OPCML: variants seen among roughly 807,000 people sequenced by gnomAD.
OPCML encodes opioid-binding protein/cell adhesion molecule.
OPCML carries 13 observed loss-of-function variants against 37.8 expected under a neutral mutation model. The observed-to-expected ratio is 0.34, with a 90% CI of 0.22 to 0.55. The LOEUF (loss-of-function observed/expected upper bound fraction) is 0.55. Ranked by LOEUF, OPCML falls within the 20% of genes least tolerant of loss-of-function variation. The pLI is 0.91. For synonymous variants in OPCML, 176 were observed against 168.8 expected (o/e 1.04, Z -0.33); for missense variants, 341 against 435.6 (o/e 0.78, Z 1.93).
chr11:133,369,807 G>A (rs888873317), intron 1 of OPCML, among the ~76,000 whole-genome samples: 6 of 152,124 alleles, frequency 3.9e-5, no homozygotes, highest in African/African-American at 1.4e-4. Context: ...TAAAGAATGT[G>A]CATTCACACT....
intron 2 of OPCML, among the ~76,000 whole-genome samples, chr11:132,780,190 T>C (rs1408740138): frequency 6.6e-6 from 1 of 152,230 alleles, no homozygotes; most frequent in Non-Finnish European, 1.5e-5. Context: ...CCTGACCCTC[T>C]GTACTGGACA....
intron 3 of OPCML, among the ~76,000 whole-genome samples, chr11:132,533,316 T>C (rs1030609174): frequency 1.3e-5 from 2 of 152,126 alleles, no homozygotes; most frequent in Non-Finnish European, 2.9e-5. Context: ...TCATTTTGGA[T>C]AGATGACAGA....
At chr11:133,308,360 C>T (rs1942980088) in intron 1 of OPCML, among the ~76,000 whole-genome samples, 1 of 151,804 alleles carries the variant, frequency 6.6e-6, no homozygotes. Flanking sequence ...AACAACCTAA[C>T]TTAATATTAG....
At chr11:133,201,996 A>G (rs1938818265) in intron 1 of OPCML, among the ~76,000 whole-genome samples, 1 of 152,138 alleles carries the variant, frequency 6.6e-6, no homozygotes. Context: ...AAAGCCTCCA[A>G]GCCTTAATGG....
chr11:132,990,511 C>A (rs1488779039), intron 1 of OPCML, among the ~76,000 whole-genome samples: 1 of 152,170 alleles, frequency 6.6e-6, no homozygotes, highest in Non-Finnish European at 1.5e-5. Context: ...GGTAGGCATT[C>A]TATTTTCCTA....
At chr11:132,762,861 C>CA (rs1393440793) in intron 2 of OPCML, among the ~76,000 whole-genome samples, 1 of 151,992 alleles carries the variant, frequency 6.6e-6, no homozygotes, top group Admixed American at 6.6e-5. Flanking sequence ...CACTGAGGTA[C>CA]AAAAAAATAC....
intron 1 of OPCML, among the ~76,000 whole-genome samples, chr11:132,993,653 G>C (rs1946823963): frequency 2.0e-5 from 3 of 152,072 alleles, no homozygotes; most frequent in Non-Finnish European, 4.4e-5. Context: ...CGCGAGCCTA[G>C]AGTCTGGAAA....
chr11:133,392,445 G>A (rs148910319), intron 1 of OPCML, among the ~76,000 whole-genome samples: 2 of 152,296 alleles, frequency 1.3e-5, no homozygotes, highest in African/African-American at 2.4e-5. Flanking sequence ...AAGCCCAAAG[G>A]AGAGGCTAGG....
At chr11:132,993,992 C>A (rs1449406722) in intron 1 of OPCML, among the ~76,000 whole-genome samples, 1 of 152,242 alleles carries the variant, frequency 6.6e-6, no homozygotes, top group Non-Finnish European at 1.5e-5. Context: ...CCCCGCATCT[C>A]TCCACCTCCG....
At chr11:133,419,523 T>C (rs1430523892) in intron 1 of OPCML, among the ~76,000 whole-genome samples, 1 of 152,230 alleles carries the variant, frequency 6.6e-6, no homozygotes, top group Non-Finnish European at 1.5e-5. Flanking sequence ...TACTTTCAAA[T>C]TATTTTACTA....
chr11:132,748,257 C>T (rs965377757), intron 2 of OPCML, among the ~76,000 whole-genome samples: 1 of 152,040 alleles, frequency 6.6e-6, no homozygotes, highest in Non-Finnish European at 1.5e-5. Flanking sequence ...TTAGCCATAT[C>T]GACCCTGCTT....
chr11:132,593,568 G>A (rs2096488015), intron 3 of OPCML, among the ~76,000 whole-genome samples: 1 of 152,134 alleles, frequency 6.6e-6, no homozygotes, highest in Non-Finnish European at 1.5e-5. Flanking sequence ...GGCAGAAAAA[G>A]TTAGAGAGAA....
chr11:133,368,110 A>T (rs1267009424), intron 1 of OPCML, among the ~76,000 whole-genome samples: 2 of 152,116 alleles, frequency 1.3e-5, no homozygotes, highest in Non-Finnish European at 2.9e-5. Context: ...TGCTGCAGGT[A>T]GGGAAGCAAT....
chr11:132,639,874 TGGCTGTCATCGACAGTAGCTA>T (rs1940744426), intron 3 of OPCML, among the ~76,000 whole-genome samples: 1 of 152,194 alleles, frequency 6.6e-6, no homozygotes, highest in Non-Finnish European at 1.5e-5. Context: ...AGCACTGGGA[TGGCTGTCATCGACAGTAGCTA>T]GGCCTGGGGA....
chr11:132,899,417 TA>T (rs1430032480), intron 2 of OPCML, among the ~76,000 whole-genome samples: 1 of 152,100 alleles, frequency 6.6e-6, no homozygotes, highest in African/African-American at 2.4e-5. Context: ...TTGTTAATTT[TA>T]CATCATAGTG....
At chr11:133,096,672 A>C (rs1464060745) in intron 1 of OPCML, among the ~76,000 whole-genome samples, 1 of 152,094 alleles carries the variant, frequency 6.6e-6, no homozygotes, top group East Asian at 1.9e-4. Flanking sequence ...GATAAAAAGT[A>C]AAGAGACAGA....
At chr11:132,928,683 G>C (rs1945085342) in intron 2 of OPCML, among the ~76,000 whole-genome samples, 1 of 151,926 alleles carries the variant, frequency 6.6e-6, no homozygotes, top group Non-Finnish European at 1.5e-5. Flanking sequence ...TTCTCAAGTG[G>C]ACATAAAACA....
intron 1 of OPCML, among the ~76,000 whole-genome samples, chr11:133,518,451 G>A (rs887564716): frequency 6.6e-6 from 1 of 151,974 alleles, no homozygotes; most frequent in Non-Finnish European, 1.5e-5. Context: ...GCAGGTATGG[G>A]TATTTGTGTG....
intron 1 of OPCML, among the ~76,000 whole-genome samples, chr11:132,969,279 C>T (rs185410147): frequency 1.3e-4 from 20 of 152,230 alleles, no homozygotes; most frequent in East Asian, 3.9e-4. Flanking sequence ...TTGTTTCTAA[C>T]GAAATGTCCT....
Sources: gnomAD v4.1 joint callset for allele counts (sites outside exome capture counted in the v4.1 genomes callset) on GRCh38, gnomAD v4.1.1 for gene constraint, MANE v1.5 for transcripts, NCBI Gene and HGNC (gene_info 2026-07-23, HGNC 2026-07-21) for gene names.